The following PRKG1 variants were observed in gnomAD, a reference collection of about 807,000 sequenced individuals.
PRKG1 encodes the protein protein kinase cGMP-dependent 1.
Under a neutral mutation model 88.1 loss-of-function variants are expected in PRKG1, and 35 were observed. The observed-to-expected ratio is 0.40, with a 90% CI of 0.30 to 0.53. PRKG1 has a LOEUF of 0.53. PRKG1 is among the 20% of genes least tolerant of loss of function. The pLI, the probability that PRKG1 is intolerant of heterozygous loss-of-function variation, is 0.59. For missense variants in PRKG1, 540 were observed against 839.8 expected, an observed-to-expected ratio of 0.64 and a Z score of 4.41; for synonymous variants, 303 against 292.5, an observed-to-expected ratio of 1.04 and a Z score of -0.37.
chr10:52,176,173 C>CTTTTTTTTTTTTTTTTTTTTTTTT (rs140722137), intron 9 of PRKG1, among the ~76,000 whole-genome samples: 2 of 95,674 alleles, frequency 2.1e-5, no homozygotes, highest in East Asian at 3.4e-4. Flanking sequence ...TTCTTTTTCT[C>CTTTTTTTTTTTTTTTTTTTTTTTT]TTTTTTTTTT....
In PRKG1 at chr10:51,817,998, G is replaced by A. The variant is rs1349447697; in HGVS notation, c.698+13308G>A. Among the ~76,000 whole-genome samples, 3 of 152,082 alleles carry A rather than the reference G, an allele frequency of 2.0e-5. No homozygotes were observed. The East Asian group carries it at 5.8e-4, about 29-fold the overall frequency. On this transcript the variant is annotated intron_variant, in intron 4 of 17. Coordinates refer to ENST00000373980, the MANE Select transcript of PRKG1 (RefSeq NM_006258.4). ...ACTGGTATATTCTGCTATGTTAAAT[G>A]TGTCCAATTCATATTTTAAGTCCTT...
intron 2 of PRKG1, among the ~76,000 whole-genome samples, chr10:51,376,071 A>G (rs1842811253): frequency 6.6e-6 from 1 of 152,264 alleles, no homozygotes; most frequent in Admixed American, 6.5e-5. Flanking sequence ...CAGAGACAGT[A>G]AAAAGTTAAT....
In PRKG1 at chr10:51,527,784, A is replaced by T. The variant is rs1841919509; in HGVS notation, c.592+59948A>T. Among the ~76,000 whole-genome samples the T allele has an allele frequency of 2.0e-5, 3 of 152,204 alleles. No homozygotes were observed. In the South Asian group the frequency reaches 6.2e-4, roughly 31 times the overall value. The stretch of plus-strand genomic sequence containing the variant: ...AAAGTCTTTTGTTTCCTTTTCTCTA[A>T]GAAGAGTTATTTCTGTTTGAAAGAG... On this transcript the variant is annotated intron_variant, in intron 3 of 17. Coordinates refer to ENST00000373980, the MANE Select transcript of PRKG1 (RefSeq NM_006258.4).
intron 4 of PRKG1, among the ~76,000 whole-genome samples, chr10:51,865,467 T>A (rs1480119043): frequency 6.6e-6 from 1 of 152,102 alleles, no homozygotes. Flanking sequence ...GTGATGAGTA[T>A]GAAAAATTAT....
chr10:51,795,979 G>A (rs999692478), intron 3 of PRKG1, among the ~76,000 whole-genome samples: 2 of 152,056 alleles, frequency 1.3e-5, no homozygotes, highest in African/African-American at 4.8e-5. Flanking sequence ...TTCAACTAAT[G>A]TTCTACTGCA....
intron 1 of PRKG1, among the ~76,000 whole-genome samples, chr10:50,998,327 G>C (rs1842855993): frequency 6.6e-6 from 1 of 151,952 alleles, no homozygotes; most frequent in African/African-American, 2.4e-5. Flanking sequence ...ATATGGAGCA[G>C]ATTTCTTACT....
At chr10:51,321,087 A>G (rs1841442837) in intron 2 of PRKG1, among the ~76,000 whole-genome samples, 2 of 152,148 alleles carry the variant, frequency 1.3e-5, no homozygotes, top group African/African-American at 4.8e-5. Flanking sequence ...ATTTTGTTTA[A>G]ATTTTTTTTG....
At chr10:52,155,868 T>C (rs1459619650) in intron 8 of PRKG1, among the ~76,000 whole-genome samples, 1 of 151,988 alleles carries the variant, frequency 6.6e-6, no homozygotes, top group Non-Finnish European at 1.5e-5. Context: ...ATATTAGACA[T>C]GGAAACTTGA....
intron 2 of PRKG1, among the ~76,000 whole-genome samples, chr10:51,211,724 A>C (rs924717623): frequency 6.6e-6 from 1 of 152,234 alleles, no homozygotes; most frequent in Non-Finnish European, 1.5e-5. Flanking sequence ...CAATTGCTTC[A>C]AAGAGAATAA....
chr10:51,175,144 C>T (rs75158587), intron 2 of PRKG1, among the ~76,000 whole-genome samples: 67 of 151,344 alleles, frequency 4.4e-4, no homozygotes, highest in African/African-American at 1.6e-3. Context: ...CACATACTAA[C>T]AACGTAATAG....
At chr10:52,016,818 T>A (rs1845052328) in intron 5 of PRKG1, among the ~76,000 whole-genome samples, 2 of 152,282 alleles carry the variant, frequency 1.3e-5, no homozygotes, top group African/African-American at 4.8e-5. Flanking sequence ...AAAAATTTTT[T>A]AAAAACACAG....
chr10:52,016,789 T>C (rs1256210608), intron 5 of PRKG1, among the ~76,000 whole-genome samples: 2 of 152,132 alleles, frequency 1.3e-5, no homozygotes, highest in Non-Finnish European at 2.9e-5. Flanking sequence ...AATAAGCATA[T>C]TTATAAATGC....
chr10:51,172,628 GTATGTATGTATGTATGTATGTATC>G lies in PRKG1; in HGVS notation c.478+19302_478+19325del, dbSNP rs1231169272. On this transcript the variant is annotated intron_variant, in intron 2 of 17. Transcript: ENST00000373980. ...TGTATGTATGTATGTATGTATGTAT[GTATGTATGTATGTATGTATGTATC>G]TATCTATCTATCTATCTATCTATCT... Among the ~76,000 whole-genome samples the G allele has an allele frequency of 4.9e-3, 330 of 67,690 alleles. 4 individuals carry two copies. Among genetic ancestry groups the G allele is most frequent in the African/African-American group, 0.016 (320 of 20,072 alleles). The allele number at this position is 67,690 out of a possible 152,430, so 44.4% of individuals were successfully genotyped here. A position where few individuals can be genotyped will look rare whatever the true frequency, so the allele number is the denominator to read the frequency against.
chr10:51,373,845 T>TA (rs1241201270), intron 2 of PRKG1, among the ~76,000 whole-genome samples: 4 of 151,766 alleles, frequency 2.6e-5, no homozygotes, highest in African/African-American at 7.3e-5. Context: ...TTTTCGTTTT[T>TA]TAAAAAATTA....
chr10:51,705,530 A>G (rs1208469296), intron 3 of PRKG1, among the ~76,000 whole-genome samples: 2 of 152,248 alleles, frequency 1.3e-5, no homozygotes, highest in East Asian at 1.9e-4. Context: ...CTGATTTTTA[A>G]CAATGAAGAA....
chr10:51,771,219 A>G (rs1472327791), intron 3 of PRKG1, among the ~76,000 whole-genome samples: 1 of 152,230 alleles, frequency 6.6e-6, no homozygotes, highest in East Asian at 1.9e-4. Flanking sequence ...AAAAAAGTAC[A>G]GTAAAAATTC....
At chr10:51,621,015 A>G (rs1169686081) in intron 3 of PRKG1, among the ~76,000 whole-genome samples, 7 of 145,034 alleles carry the variant, frequency 4.8e-5, no homozygotes, top group Non-Finnish European at 9.1e-5. Context: ...GTGTGTATAT[A>G]TATATATATA....
chr10:51,858,285 A>ATT lies in PRKG1; in HGVS notation c.699-49222_699-49221insTT, dbSNP rs1295338913. 6.1e-4 allele frequency among the ~76,000 whole-genome samples: 10 copies of ATT among 16,340 alleles called. 1 individual carries two copies. The highest frequency in any genetic ancestry group is 2.4e-3 in the South Asian group (1 of 420). The allele number at this position is 16,340 out of a possible 152,430, so 10.7% of individuals were successfully genotyped here. A position where few individuals can be genotyped will look rare whatever the true frequency, so the allele number is the denominator to read the frequency against. Reference sequence around the variant, plus strand: ...TATATATAATATTATACATATGTATAATTATACATATGTATAATATATATA... The same window carrying ATT: ...TATATATAATATTATACATATGTATATTATTATACATATGTATAATATATATA... On this transcript the variant is annotated intron_variant, in intron 4 of 17. Coordinates refer to ENST00000373980, the MANE Select transcript of PRKG1 (RefSeq NM_006258.4).
intron 5 of PRKG1, among the ~76,000 whole-genome samples, chr10:51,920,245 C>T (rs760489196): frequency 6.6e-6 from 1 of 152,128 alleles, no homozygotes; most frequent in Non-Finnish European, 1.5e-5. Flanking sequence ...CTTCTCCTTT[C>T]CCTATCCATC....
Sources: allele counts gnomAD v4.1 joint callset (sites outside exome capture counted in the v4.1 genomes callset), GRCh38; gene constraint gnomAD v4.1.1; transcripts MANE v1.5; gene names NCBI Gene and HGNC (gene_info 2026-07-23, HGNC 2026-07-21).